PPP1R12B: variants seen among roughly 807,000 people sequenced by gnomAD.
The protein encoded by PPP1R12B is protein phosphatase 1 regulatory subunit 12B, also known as myosin phosphatase target subunit 2.
Under a neutral mutation model 126.1 loss-of-function variants are expected in PPP1R12B, and 76 were observed. The observed-to-expected ratio is 0.60, with a 90% confidence interval of 0.50 to 0.73. The LOEUF is 0.73. Ranked by LOEUF, PPP1R12B falls within the 30% of genes least tolerant of loss-of-function variation. PPP1R12B has a pLI of 0.00. For missense variants in PPP1R12B, 1,052 were observed against 1,205.1 expected (o/e 0.87, Z 1.88); for synonymous variants, 356 against 434.7 (o/e 0.82, Z 2.25).
chr1:202,470,918 A>AG (rs1319184803), intron 13 of PPP1R12B, among the ~76,000 whole-genome samples: 1 of 117,292 alleles, frequency 8.5e-6, no homozygotes, highest in East Asian at 4.0e-4. Flanking sequence ...AAAAAAAAAA[A>AG]AAATGAACAA....
At chr1:202,405,966 TG>T in intron 1 of PPP1R12B, among the ~76,000 whole-genome samples, 1 of 152,266 alleles carries the variant, frequency 6.6e-6, no homozygotes, top group East Asian at 1.9e-4. Flanking sequence ...TTTGGTGTGC[TG>T]ATTTATACTT....
rs112798485 is a variant in PPP1R12B at position 202,457,954 on chromosome 1, AG to A, written c.1850+8784del. 7.1e-3 allele frequency among the ~76,000 whole-genome samples: 1,078 copies of A among 152,122 alleles called. 14 individuals are homozygous for A. The highest frequency in any genetic ancestry group is 0.024 in the African/African-American group (1,010 of 41,534). ...GATTTAGATGAAGGAAAAAAAAAAA[AG>A]TATTCTGTGGCTAAATGAATTTGGG... On this transcript the variant is annotated intron_variant, in intron 13 of 23. Transcript: ENST00000608999.
intron 23 of PPP1R12B, among the ~76,000 whole-genome samples, chr1:202,574,312 C>A (rs1163417712): frequency 6.6e-6 from 1 of 152,090 alleles, no homozygotes; most frequent in East Asian, 1.9e-4. Context: ...GAATTTGAGA[C>A]CAGCTTGGGC....
At chr1:202,401,361 A>AT (rs34810265) in intron 1 of PPP1R12B, among the ~76,000 whole-genome samples, 5,227 of 71,354 alleles carry the variant, frequency 0.073, 1,136 homozygotes, top group African/African-American at 0.22. Flanking sequence ...GGCTAATTTA[A>AT]TTTTTTTTTT....
chr1:202,389,212 T>C (rs544022069), intron 1 of PPP1R12B, among the ~76,000 whole-genome samples: 2 of 152,162 alleles, frequency 1.3e-5, no homozygotes, highest in Non-Finnish European at 2.9e-5. Flanking sequence ...GAAGACTTCC[T>C]GAGTAAAATG....
chr1:202,460,183 T>C (rs1674138353), intron 13 of PPP1R12B, among the ~76,000 whole-genome samples: 1 of 152,180 alleles, frequency 6.6e-6, no homozygotes, highest in South Asian at 2.1e-4. Context: ...ATTGTGCTCT[T>C]TCTTTTCTTT....
chr1:202,586,171 A>C lies in PPP1R12B; in HGVS notation c.*5611A>C, dbSNP rs1689799064. 1 of 152,282 alleles carries C rather than the reference A, an allele frequency of 6.6e-6. No individual in the cohort carries two copies. The highest frequency in any genetic ancestry group is 1.5e-5 in the Non-Finnish European group (1 of 68,070). 9.4% of individuals were successfully genotyped at this position (152,282 alleles called of 1,614,324 possible). A position where few individuals can be genotyped will look rare whatever the true frequency, so the allele number is the denominator to read the frequency against. ...GCAGGTCTGAAGAGGAGACTACCAA[A>C]GCAGTGTTTACAAACCCAGAGTCCA... On this transcript the variant is annotated 3_prime_UTR_variant, in exon 24 of 24. Transcript: ENST00000608999.
At chr1:202,495,749 TAAAAGA>T in intron 17 of PPP1R12B, 67 bp downstream of exon 17, 1 of 1,407,874 alleles carries the variant, frequency 7.1e-7, no homozygotes, top group Non-Finnish European at 1.0e-6. Context: ...CAGTTGAGTT[TAAAAGA>T]AAGAGTCCCG....
At chr1:202,421,463 A>AC (rs1419348040) in intron 2 of PPP1R12B, among the ~76,000 whole-genome samples, 29 of 151,560 alleles carry the variant, frequency 1.9e-4, no homozygotes, top group African/African-American at 6.0e-4. Context: ...ATGGCAACAC[A>AC]CCATCTCTAC....
intron 13 of PPP1R12B, among the ~76,000 whole-genome samples, chr1:202,484,499 A>G (rs1339693948): frequency 3.9e-5 from 6 of 152,236 alleles, no homozygotes; most frequent in Admixed American, 1.3e-4. Flanking sequence ...CCTTCGTACT[A>G]GAGGACTGAG....
At chr1:202,425,228 A>G (rs1337031200) in intron 3 of PPP1R12B, among the ~76,000 whole-genome samples, 1 of 152,256 alleles carries the variant, frequency 6.6e-6, no homozygotes, top group Non-Finnish European at 1.5e-5. Context: ...CTAAAGTCAT[A>G]TAACATGTAA....
chr1:202,360,901 T>C (rs1026390534), intron 1 of PPP1R12B, among the ~76,000 whole-genome samples: 1 of 151,002 alleles, frequency 6.6e-6, no homozygotes, highest in Non-Finnish European at 1.5e-5. Context: ...TCTTTTTTTT[T>C]TTTTTTTGAG....
chr1:202,493,013 G>A, intron 14 of PPP1R12B, 101 bp from the exon 15 acceptor site: 2 of 1,264,870 alleles, frequency 1.6e-6, no homozygotes, highest in Admixed American at 2.1e-5. Flanking sequence ...CTTCATTTTG[G>A]GATTTGATAA....
chr1:202,494,565 G>C (rs1038415301), intron 15 of PPP1R12B, among the ~76,000 whole-genome samples: 1 of 143,602 alleles, frequency 7.0e-6, no homozygotes, highest in Non-Finnish European at 1.5e-5. Context: ...GGCTCTATCT[G>C]TCCTAATTCT....
intron 18 of PPP1R12B, among the ~76,000 whole-genome samples, chr1:202,533,568 C>T (rs1245269452): frequency 6.6e-6 from 1 of 152,166 alleles, no homozygotes; most frequent in Non-Finnish European, 1.5e-5. Flanking sequence ...ATTTGCTCTC[C>T]TTAGCCTCCC....
intron 1 of PPP1R12B, among the ~76,000 whole-genome samples, chr1:202,375,165 A>T (rs575174189): frequency 1.3e-4 from 20 of 151,382 alleles, no homozygotes; most frequent in South Asian, 1.0e-3. Context: ...GCTGATTTCA[A>T]ACTCCTGACC....
intron 1 of PPP1R12B, among the ~76,000 whole-genome samples, chr1:202,356,447 T>C (rs911705313): frequency 1.3e-5 from 2 of 152,096 alleles, no homozygotes; most frequent in Admixed American, 6.6e-5. Context: ...GGCTGACTAA[T>C]GGTGCCCCAA....
At chr1:202,492,730 G>A (rs1297888179) in intron 14 of PPP1R12B, among the ~76,000 whole-genome samples, 2 of 151,996 alleles carry the variant, frequency 1.3e-5, no homozygotes, top group Non-Finnish European at 2.9e-5. Flanking sequence ...TTTTTCCCCA[G>A]TATCTGCTGT....
intron 1 of PPP1R12B, among the ~76,000 whole-genome samples, chr1:202,378,985 C>G (rs1417304098): frequency 6.6e-6 from 1 of 152,166 alleles, no homozygotes; most frequent in Non-Finnish European, 1.5e-5. Flanking sequence ...CCCACTTTCT[C>G]TATATTCTTT....
Sources: allele counts gnomAD v4.1 joint callset (sites outside exome capture counted in the v4.1 genomes callset), GRCh38; gene constraint gnomAD v4.1.1; transcripts MANE v1.5; gene names NCBI Gene and HGNC (gene_info 2026-07-23, HGNC 2026-07-21).